Variants in PPARGC1A observed in about 807,000 individuals in gnomAD.
PPARGC1A encodes the protein peroxisome proliferator-activated receptor gamma coactivator 1-alpha.
In PPARGC1A, 25 loss-of-function variants were observed where a neutral mutation model predicts 88.7. The observed-to-expected ratio is 0.28, with a 90% CI of 0.21 to 0.39. The LOEUF is 0.39. PPARGC1A is among the 10% of genes least tolerant of loss of function. The probability of loss-of-function intolerance (pLI) is 1.00; values close to 1 mark genes in which losing one functional copy is unlikely to be tolerated. For synonymous variants in PPARGC1A, 363 were observed against 355.6 expected, an observed-to-expected ratio of 1.02 and a Z score of -0.24; for missense variants, 880 against 968.7, an observed-to-expected ratio of 0.91 and a Z score of 1.22.
the PPARGC1A span, among the ~76,000 whole-genome samples, chr4:24,426,919 C>T: frequency 6.6e-6 from 1 of 152,186 alleles, no homozygotes; most frequent in Non-Finnish European, 1.5e-5. Context: ...ACAACAGAGA[C>T]TCGGGTACAT....
In PPARGC1A at chr4:23,865,057, C is replaced by T. The variant is rs530028276; in HGVS notation, c.234+19695G>A. 4.6e-3 allele frequency among the ~76,000 whole-genome samples: 697 copies of T among 152,158 alleles called. 6 individuals carry two copies. Among genetic ancestry groups the T allele is most frequent in the Non-Finnish European group, 5.3e-3 (363 of 68,010 alleles). On this transcript the variant is annotated intron_variant, in intron 2 of 12. Coordinates refer to ENST00000264867, the MANE Select transcript of PPARGC1A (RefSeq NM_013261.5). Reference sequence around the variant, plus strand: ...AAAATTTGCTGGGCATGGTAGTGCTCGCCTGTAATCCCAGCTACTCGGGAG... The same window carrying T: ...AAAATTTGCTGGGCATGGTAGTGCTTGCCTGTAATCCCAGCTACTCGGGAG...
chr4:23,901,283 T>C (rs977625537), upstream of PPARGC1A, among the ~76,000 whole-genome samples: 10 of 145,050 alleles, frequency 6.9e-5, no homozygotes, highest in Non-Finnish European at 1.0e-4. Flanking sequence ...GGCAGGAGAA[T>C]GGCGTGAACC....
At chr4:24,424,127 G>A in the PPARGC1A span, among the ~76,000 whole-genome samples, 1 of 151,792 alleles carries the variant, frequency 6.6e-6, no homozygotes, top group Non-Finnish European at 1.5e-5. Flanking sequence ...TGTAGAGTAC[G>A]TGATTGTTTT....
chr4:24,219,554 C>A, the PPARGC1A span, among the ~76,000 whole-genome samples: 1 of 152,200 alleles, frequency 6.6e-6, no homozygotes, highest in Non-Finnish European at 1.5e-5. Context: ...GCTCAGTTAA[C>A]AATTGATCAA....
the PPARGC1A span, among the ~76,000 whole-genome samples, chr4:23,977,315 C>T: frequency 6.6e-6 from 1 of 152,170 alleles, no homozygotes; most frequent in African/African-American, 2.4e-5. Context: ...ATTTGCCACC[C>T]AGTAGCTTTC....
the PPARGC1A span, among the ~76,000 whole-genome samples, chr4:24,059,147 T>C: frequency 6.6e-6 from 1 of 152,194 alleles, no homozygotes; most frequent in South Asian, 2.1e-4. Flanking sequence ...ATGCCAATAC[T>C]GTGGCTATCA....
intron 1 of PPARGC1A, among the ~76,000 whole-genome samples, chr4:23,887,594 T>C (rs1717124977): frequency 6.6e-6 from 1 of 152,224 alleles, no homozygotes; most frequent in South Asian, 2.1e-4. Context: ...CACAAAAGGC[T>C]AATTATTGTA....
chr4:24,433,247 A>T, the PPARGC1A span, among the ~76,000 whole-genome samples: 1 of 152,166 alleles, frequency 6.6e-6, no homozygotes, highest in East Asian at 1.9e-4. Context: ...GTCTATAGCA[A>T]CATTTCCAAC....
the PPARGC1A span, among the ~76,000 whole-genome samples, chr4:24,150,272 G>T: frequency 1.3e-5 from 2 of 152,270 alleles, no homozygotes; most frequent in African/African-American, 4.8e-5. Context: ...CTCACTGTGG[G>T]ATTTGCAATG....
At chr4:24,020,111 CCTT>C in the PPARGC1A span, among the ~76,000 whole-genome samples, 7 of 152,112 alleles carry the variant, frequency 4.6e-5, no homozygotes, top group African/African-American at 1.7e-4. Flanking sequence ...TCCATCCACT[CCTT>C]CATCTTGGCT....
chr4:24,455,319 A>G, the PPARGC1A span, among the ~76,000 whole-genome samples: 1 of 152,148 alleles, frequency 6.6e-6, no homozygotes, highest in Non-Finnish European at 1.5e-5. Context: ...TGTCACTACA[A>G]AAAAATAAAA....
chr4:24,281,186 A>T, the PPARGC1A span, among the ~76,000 whole-genome samples: 1 of 152,238 alleles, frequency 6.6e-6, no homozygotes, highest in Non-Finnish European at 1.5e-5. Context: ...AAGCAAATTC[A>T]GTAACAGTGA....
At chr4:24,148,701 G>A in the PPARGC1A span, among the ~76,000 whole-genome samples, 1 of 152,190 alleles carries the variant, frequency 6.6e-6, no homozygotes, top group Non-Finnish European at 1.5e-5. Context: ...GTGCCTACGT[G>A]TCTGTGATGA....
At chr4:24,165,199 A>T in the PPARGC1A span, among the ~76,000 whole-genome samples, 1 of 152,106 alleles carries the variant, frequency 6.6e-6, no homozygotes. Flanking sequence ...AAAAATTTTA[A>T]TTTTTTTATT....
intron 7 of PPARGC1A, among the ~76,000 whole-genome samples, chr4:23,818,162 G>A (rs983984663): frequency 6.6e-5 from 10 of 152,060 alleles, no homozygotes; most frequent in South Asian, 2.1e-4. Flanking sequence ...TATTTCCTGC[G>A]TGTTGATTTT....
the PPARGC1A span, among the ~76,000 whole-genome samples, chr4:23,910,327 ATAT>A: frequency 5.3e-5 from 3 of 56,760 alleles, no homozygotes; most frequent in Non-Finnish European, 8.2e-5. Flanking sequence ...TATATATATT[ATAT>A]ATTATATATA....
the PPARGC1A span, among the ~76,000 whole-genome samples, chr4:24,077,506 G>GT: frequency 2.6e-5 from 4 of 151,152 alleles, no homozygotes; most frequent in African/African-American, 9.7e-5. Context: ...TCCAAGTAGT[G>GT]TTTTTTCAAT....
At chr4:23,947,835 G>T in the PPARGC1A span, among the ~76,000 whole-genome samples, 1 of 152,064 alleles carries the variant, frequency 6.6e-6, no homozygotes, top group Non-Finnish European at 1.5e-5. Context: ...GGCAGAGAGT[G>T]GGCACAGGGA....
chr4:23,810,117 A>G (rs1020152649), intron 10 of PPARGC1A, among the ~76,000 whole-genome samples: 3 of 152,242 alleles, frequency 2.0e-5, no homozygotes, highest in Non-Finnish European at 2.9e-5. Flanking sequence ...CAATAGAAAC[A>G]GCATGTAATT....
Sources: allele counts gnomAD v4.1 joint callset (sites outside exome capture counted in the v4.1 genomes callset), GRCh38; gene constraint gnomAD v4.1.1; transcripts MANE v1.5; gene names NCBI Gene and HGNC (gene_info 2026-07-23, HGNC 2026-07-21).